Variants in EYS observed in about 807,000 individuals in gnomAD.
The protein encoded by EYS is protein eyes shut homolog.
A neutral mutation model predicts 282.1 loss-of-function variants in EYS; 250 were observed. That is an observed-to-expected ratio of 0.89 (90% CI 0.80 to 0.98). The LOEUF is 0.98. EYS is among the 50% of genes least tolerant of loss of function. The probability of loss-of-function intolerance (pLI) is 0.00; values close to 1 mark genes in which losing one functional copy is unlikely to be tolerated. For missense variants in EYS, 4,016 were observed against 3,709.0 expected (o/e 1.08, Z -2.15); for synonymous variants, 1,355 against 1,282.9 (o/e 1.06, Z -1.20).
intron 18 of EYS, among the ~76,000 whole-genome samples, chr6:64,893,993 T>A (rs773710184): frequency 5.3e-5 from 8 of 152,088 alleles, no homozygotes; most frequent in Non-Finnish European, 4.4e-5. Flanking sequence ...ACTCTTAAGA[T>A]GCTATGTATT....
At chr6:63,828,740 A>C (rs1180095151) in intron 36 of EYS, among the ~76,000 whole-genome samples, 1 of 152,236 alleles carries the variant, frequency 6.6e-6, no homozygotes, top group African/African-American at 2.4e-5. Context: ...GTAAATGCAA[A>C]TCAAAACCAC....
At position 63,999,153 on chromosome 6, in the gene EYS, A is replaced by C; in HGVS notation, c.6756T>G (p.Val2252=). Residue 2252 remains valine (V), a synonymous_variant, in exon 34 of 43, where the codon GTT becomes GTG. Coordinates refer to ENST00000503581, the MANE Select transcript of EYS (RefSeq NM_001142800.2). ...CTGCAGTCATTTCAATCATACAAAC[A>C]ACTCCAGGGCTGCCAACAGGCGTTG... ...RYTTPVGSPG[V]VCMIEMTADG... The C allele has an allele frequency of 6.4e-7, 1 of 1,551,604 alleles. No individual in the cohort carries two copies.
intron 2 of EYS, among the ~76,000 whole-genome samples, chr6:65,502,085 G>A (rs372632824): frequency 1.3e-5 from 2 of 151,478 alleles, no homozygotes; most frequent in Non-Finnish European, 3.0e-5. Context: ...ATGAAAAAAG[G>A]TTCTCTGTTT....
intron 30 of EYS, among the ~76,000 whole-genome samples, chr6:64,295,139 C>A (rs1320808419): frequency 1.3e-5 from 2 of 150,742 alleles, no homozygotes; most frequent in Non-Finnish European, 2.9e-5. Flanking sequence ...CTTTAGGAGG[C>A]CGAAGCGGGG....
rs187194828 is a variant in EYS, at chr6:64,129,771, A to G, written c.6425-47769T>C. On this transcript the variant is annotated intron_variant, in intron 31 of 42. Coordinates refer to ENST00000503581, the MANE Select transcript of EYS (RefSeq NM_001142800.2). ...GGGGTTTTATGGTTTTAGGTCTAAC[A>G]TGTAAGTCTTTAATCCATCTTGAAT... is the stretch of plus-strand genomic sequence containing the variant. Among the ~76,000 whole-genome samples the G allele has an allele frequency of 7.3e-4, 111 of 152,280 alleles. No homozygotes were observed. The East Asian group carries it at 0.02, about 27-fold the overall frequency.
At chr6:65,099,424 G>C (rs1379964192) in intron 12 of EYS, among the ~76,000 whole-genome samples, 1 of 150,578 alleles carries the variant, frequency 6.6e-6, no homozygotes, top group African/African-American at 2.4e-5. Context: ...CTAATATCTG[G>C]CACATATTTG....
At chr6:65,062,112 G>A (rs980097314) in intron 12 of EYS, among the ~76,000 whole-genome samples, 1 of 151,760 alleles carries the variant, frequency 6.6e-6, no homozygotes, top group Non-Finnish European at 1.5e-5. Flanking sequence ...CCCTCTACAT[G>A]ACAGACTCCC....
At chr6:65,183,818 T>C (rs1400273515) in intron 12 of EYS, among the ~76,000 whole-genome samples, 1 of 151,798 alleles carries the variant, frequency 6.6e-6, no homozygotes, top group African/African-American at 2.4e-5. Flanking sequence ...AAAAGTGTAG[T>C]TGGTATTTTC....
chr6:64,670,216 A>T (rs1027631340), intron 22 of EYS, among the ~76,000 whole-genome samples: 1 of 152,064 alleles, frequency 6.6e-6, no homozygotes, highest in Non-Finnish European at 1.5e-5. Flanking sequence ...GCCAATTAAC[A>T]AACACAGATG....
At chr6:64,636,419 C>T (rs915961415) in intron 22 of EYS, among the ~76,000 whole-genome samples, 4 of 152,202 alleles carry the variant, frequency 2.6e-5, no homozygotes, top group African/African-American at 7.2e-5. Context: ...CCCGTCCTTA[C>T]ATCTTATACA....
intron 12 of EYS, among the ~76,000 whole-genome samples, chr6:65,203,979 C>T (rs1765965305): frequency 6.6e-6 from 1 of 151,716 alleles, no homozygotes; most frequent in African/African-American, 2.4e-5. Flanking sequence ...AGCTTGAATA[C>T]CAGTCTTTCA....
intron 33 of EYS, among the ~76,000 whole-genome samples, chr6:64,034,833 A>T (rs968393573): frequency 6.6e-6 from 1 of 152,180 alleles, no homozygotes; most frequent in African/African-American, 2.4e-5. Flanking sequence ...GCATTCTCTT[A>T]CAACTAAAGG....
At chr6:65,145,796 A>G (rs532290641) in intron 12 of EYS, among the ~76,000 whole-genome samples, 1 of 151,958 alleles carries the variant, frequency 6.6e-6, no homozygotes, top group African/African-American at 2.4e-5. Flanking sequence ...TGCAGGAAAA[A>G]AGACCTCTGA....
intron 12 of EYS, among the ~76,000 whole-genome samples, chr6:65,169,325 C>T (rs1765049663): frequency 6.6e-6 from 1 of 151,346 alleles, no homozygotes; most frequent in South Asian, 2.1e-4. Flanking sequence ...CTAAGCTGTA[C>T]ATAATTGTGC....
At chr6:65,391,251 G>C (rs988808908) in intron 7 of EYS, among the ~76,000 whole-genome samples, 12 of 152,072 alleles carry the variant, frequency 7.9e-5, no homozygotes, top group Admixed American at 6.6e-4. Context: ...AGAATGTAAA[G>C]TTGTACTAAT....
At chr6:65,626,374 T>C (rs998980421) in intron 2 of EYS, among the ~76,000 whole-genome samples, 93 of 152,262 alleles carry the variant, frequency 6.1e-4, no homozygotes, top group African/African-American at 2.1e-3. Flanking sequence ...CTTTGTTTTC[T>C]TGTTGTTGTT....
chr6:64,130,849 G>T (rs1460642808), intron 31 of EYS, among the ~76,000 whole-genome samples: 1 of 152,084 alleles, frequency 6.6e-6, no homozygotes, highest in Non-Finnish European at 1.5e-5. Flanking sequence ...GGAGGCTGTG[G>T]CGGTGAACAG....
In EYS at chr6:65,565,104, G is replaced by A. The variant is rs1453099168; in HGVS notation, c.-332-69111C>T. Among the ~76,000 whole-genome samples the A allele has an allele frequency of 3.8e-5, 2 of 53,040 alleles. 1 individual carries two copies. The highest frequency in any genetic ancestry group is 3.5e-4 in the African/African-American group (2 of 5,676). 34.8% of individuals were successfully genotyped at this position (53,040 alleles called of 152,430 possible). On this transcript the variant is annotated intron_variant, in intron 2 of 42. Transcript: ENST00000503581. Reference sequence around the variant, plus strand: ...ACTAAAAATACAAAAAATTAGCCGGGCGTAGTGGTGGGCGCCTGTAGTCCC... The same window carrying A: ...ACTAAAAATACAAAAAATTAGCCGGACGTAGTGGTGGGCGCCTGTAGTCCC...
At chr6:65,016,643 A>G (rs1315024905) in intron 13 of EYS, among the ~76,000 whole-genome samples, 1 of 152,208 alleles carries the variant, frequency 6.6e-6, no homozygotes, top group Non-Finnish European at 1.5e-5. Context: ...AATAAAGTAG[A>G]ATCAAGTCAT....
Sources: allele counts gnomAD v4.1 joint callset (sites outside exome capture counted in the v4.1 genomes callset), GRCh38; gene constraint gnomAD v4.1.1; transcripts MANE v1.5; gene names NCBI Gene and HGNC (gene_info 2026-07-23, HGNC 2026-07-21).